NECAB1: variants seen among roughly 807,000 people sequenced by gnomAD.
NECAB1 encodes N-terminal EF-hand calcium-binding protein 1.
A neutral mutation model predicts 57.5 loss-of-function variants in NECAB1; 29 were observed. That is an observed-to-expected ratio of 0.50 (90% CI 0.38 to 0.69). The LOEUF (loss-of-function observed/expected upper bound fraction) is 0.69. NECAB1 is among the 30% of genes least tolerant of loss of function. NECAB1 has a pLI of 0.00. For missense variants in NECAB1, 372 were observed against 413.8 expected, an observed-to-expected ratio of 0.90 and a Z score of 0.88; for synonymous variants, 142 against 147.7, an observed-to-expected ratio of 0.96 and a Z score of 0.28.
intron 5 of NECAB1, among the ~76,000 whole-genome samples, chr8:90,888,554 A>G (rs1435724944): frequency 1.3e-5 from 2 of 152,206 alleles, no homozygotes; most frequent in Admixed American, 1.3e-4. Context: ...TCTGATAGGC[A>G]TCAGTTATTA....
intron 5 of NECAB1, among the ~76,000 whole-genome samples, chr8:90,889,963 G>T (rs1809117387): frequency 6.6e-6 from 1 of 151,714 alleles, no homozygotes; most frequent in Non-Finnish European, 1.5e-5. Context: ...GTGTGTGAGT[G>T]TGTGTGTGTG....
intron 6 of NECAB1, 40 bp downstream of exon 6, chr8:90,917,668 CTA>C (rs1809988763): frequency 6.5e-7 from 1 of 1,535,668 alleles, no homozygotes; most frequent in East Asian, 2.3e-5. Context: ...TTTAGTGACT[CTA>C]TGTTCATGAA....
rs1402396754 is a variant in NECAB1 at position 90,958,285 on chromosome 8, G to A, written c.*2773G>A. 6.6e-6 allele frequency: 1 copy of A among 151,432 alleles called. No homozygotes were observed. Among genetic ancestry groups the A allele is most frequent in the African/African-American group, 2.4e-5 (1 of 41,298 alleles). 9.4% of individuals were successfully genotyped at this position (151,432 alleles called of 1,614,324 possible). A position where few individuals can be genotyped will look rare whatever the true frequency, so the allele number is the denominator to read the frequency against. ...GAAATAAAAATATCAGTTTTACTTT[G>A]AAATTGCTCAACTTCTGCTATTCAT... is the stretch of plus-strand genomic sequence containing the variant. On this transcript the variant is annotated 3_prime_UTR_variant, in exon 13 of 13. Coordinates refer to ENST00000417640, the MANE Select transcript of NECAB1 (RefSeq NM_022351.5).
At chr8:90,929,687 A>G (rs1329211818) in intron 8 of NECAB1, among the ~76,000 whole-genome samples, 1 of 152,216 alleles carries the variant, frequency 6.6e-6, no homozygotes, top group Non-Finnish European at 1.5e-5. Context: ...AGAAGAAGAG[A>G]TAATTCAATG....
In NECAB1 at chr8:90,913,558, A is replaced by T. The variant is rs560848541; in HGVS notation, c.358-3934A>T. Among the ~76,000 whole-genome samples the T allele has an allele frequency of 2.0e-5, 3 of 152,284 alleles. No homozygotes were observed. The South Asian group carries it at 6.2e-4, about 32-fold the overall frequency. ...TTTGTCTGTAGGAGTTCTTTCTGCC[A>T]GTCTCTCAAATACAGGTTTTGCTCA... On this transcript the variant is annotated intron_variant, in intron 5 of 12. Transcript: ENST00000417640.
intron 2 of NECAB1, chr8:90,806,613 G>C (rs1042331154): frequency 1.3e-5 from 2 of 152,188 alleles, no homozygotes; most frequent in Non-Finnish European, 2.9e-5. Flanking sequence ...AAACAGTTTA[G>C]AGCAGTGGCG....
intron 5 of NECAB1, among the ~76,000 whole-genome samples, chr8:90,882,083 T>C (rs1449815116): frequency 6.6e-6 from 1 of 152,194 alleles, no homozygotes; most frequent in Non-Finnish European, 1.5e-5. Context: ...AGCTAAGGAT[T>C]TAGGCCTGTA....
At chr8:90,873,842 T>G (rs1808663646) in intron 4 of NECAB1, among the ~76,000 whole-genome samples, 1 of 151,988 alleles carries the variant, frequency 6.6e-6, no homozygotes, top group Non-Finnish European at 1.5e-5. Flanking sequence ...CTTACTCCTC[T>G]ACTGAAAAAA....
chr8:90,926,137 T>C (rs1332481457), intron 7 of NECAB1, among the ~76,000 whole-genome samples: 1 of 152,216 alleles, frequency 6.6e-6, no homozygotes, highest in East Asian at 1.9e-4. Context: ...CCCATAATTG[T>C]TAGGTTATTA....
chr8:90,857,465 C>A (rs1812814105), intron 3 of NECAB1, among the ~76,000 whole-genome samples: 1 of 152,058 alleles, frequency 6.6e-6, no homozygotes, highest in Non-Finnish European at 1.5e-5. Flanking sequence ...AAAGGATTTT[C>A]CCTTGTGAAA....
rs1810389146 is a variant in NECAB1, at chr8:90,930,956, CTG to C, written c.693+2659_693+2660del. Among the ~76,000 whole-genome samples the C allele has an allele frequency of 2.0e-5, 3 of 152,146 alleles. No homozygotes were observed. In the South Asian group the frequency reaches 6.2e-4, roughly 31 times the overall value. On this transcript the variant is annotated intron_variant, in intron 8 of 12. Transcript: ENST00000417640. Reference sequence around the variant, plus strand: ...AGTGGTTTTGAATTTTTGGACAAAACTGTCTTTATTTGGTATCTGAAATTTTT... The same window carrying C: ...AGTGGTTTTGAATTTTTGGACAAAACTCTTTATTTGGTATCTGAAATTTTT...
rs190427397 is a variant in NECAB1, at chr8:90,937,330, T to C, written c.747+2973T>C. On this transcript the variant is annotated intron_variant, in intron 9 of 12. Coordinates refer to ENST00000417640, the MANE Select transcript of NECAB1 (RefSeq NM_022351.5). ...CAAACTAGAAGGAAATTATACAGAA[T>C]CTACAATAAAATGTGATGAGGATTA... 4.0e-3 allele frequency among the ~76,000 whole-genome samples: 612 copies of C among 152,200 alleles called. 3 individuals carry two copies. Among genetic ancestry groups the C allele is most frequent in the African/African-American group, 0.014 (567 of 41,528 alleles).
intron 3 of NECAB1, among the ~76,000 whole-genome samples, chr8:90,870,710 C>T (rs1808608348): frequency 6.6e-6 from 1 of 152,158 alleles, no homozygotes; most frequent in African/African-American, 2.4e-5. Flanking sequence ...TGTTTATGTG[C>T]TGTGTGAGTC....
intron 5 of NECAB1, among the ~76,000 whole-genome samples, chr8:90,896,592 G>A (rs1178930769): frequency 1.3e-5 from 2 of 150,768 alleles, no homozygotes; most frequent in African/African-American, 4.9e-5. Flanking sequence ...GCGACAGAGC[G>A]AGACTCCGTC....
chr8:90,889,133 A>T (rs1282781837), intron 5 of NECAB1, among the ~76,000 whole-genome samples: 2 of 152,172 alleles, frequency 1.3e-5, no homozygotes. Context: ...TTATTTTATG[A>T]ACCAAAATAA....
chr8:90,825,913 C>T (rs1812215867), intron 3 of NECAB1, among the ~76,000 whole-genome samples: 1 of 151,698 alleles, frequency 6.6e-6, no homozygotes, highest in Middle Eastern at 3.2e-3. Flanking sequence ...AACATGGAAC[C>T]AGCTTATGGT....
intron 1 of NECAB1, 59 bp downstream of exon 1, chr8:90,792,044 AG>A (rs1192763387): frequency 7.1e-7 from 1 of 1,407,470 alleles, no homozygotes; most frequent in African/African-American, 1.4e-5. Context: ...TTTCCCCGAA[AG>A]GAAGGGGTTC....
intron 6 of NECAB1, among the ~76,000 whole-genome samples, chr8:90,920,533 G>C (rs1810082919): frequency 6.6e-6 from 1 of 152,200 alleles, no homozygotes; most frequent in East Asian, 1.9e-4. Flanking sequence ...GACAAGACTT[G>C]AAGTGGAACT....
At chr8:90,846,901 G>C (rs1812572384) in intron 3 of NECAB1, among the ~76,000 whole-genome samples, 1 of 152,130 alleles carries the variant, frequency 6.6e-6, no homozygotes, top group Non-Finnish European at 1.5e-5. Flanking sequence ...GGGGATTATG[G>C]GAGCTACAAT....
Sources: allele counts gnomAD v4.1 joint callset (sites outside exome capture counted in the v4.1 genomes callset), GRCh38; gene constraint gnomAD v4.1.1; transcripts MANE v1.5; gene names NCBI Gene and HGNC (gene_info 2026-07-23, HGNC 2026-07-21).